Variants in CYB5R4 observed in about 807,000 individuals in gnomAD.
CYB5R4 encodes cytochrome b5 reductase 4.
CYB5R4 carries 55 observed loss-of-function variants against 70.2 expected under a neutral mutation model. That is an observed-to-expected ratio of 0.78 (90% CI 0.63 to 0.98). CYB5R4 has a LOEUF of 0.98. Among genes scored for constraint, CYB5R4 ranks in the 50% least tolerant of loss-of-function variants. The pLI, the probability that CYB5R4 is intolerant of heterozygous loss-of-function variation, is 0.00. For synonymous variants in CYB5R4, 197 were observed against 199.5 expected, an observed-to-expected ratio of 0.99 and a Z score of 0.11; for missense variants, 562 against 612.6, an observed-to-expected ratio of 0.92 and a Z score of 0.87.
intron 3 of CYB5R4, among the ~76,000 whole-genome samples, chr6:83,904,274 C>G (rs1025136808): frequency 6.6e-6 from 1 of 152,002 alleles, no homozygotes; most frequent in Non-Finnish European, 1.5e-5. Context: ...TTTTTTATTT[C>G]CATTTTAATT....
chr6:83,873,235 CTTTTTTTTTTTTTT>C (rs927399068), intron 2 of CYB5R4, among the ~76,000 whole-genome samples: 1 of 99,810 alleles, frequency 1.0e-5, no homozygotes, highest in African/African-American at 4.3e-5. Flanking sequence ...GGGTATCCTT[CTTTTTTTTTTTTTT>C]TTTTTTTTTT....
At chr6:83,864,721 A>C (rs1049021988) in intron 2 of CYB5R4, among the ~76,000 whole-genome samples, 1 of 152,226 alleles carries the variant, frequency 6.6e-6, no homozygotes, top group African/African-American at 2.4e-5. Flanking sequence ...ATCTAAAGTA[A>C]ACCTGAAAGT....
rs562426243 is a variant in CYB5R4 at position 83,957,955 on chromosome 6, G to T, written c.1512-1869G>T. On this transcript the variant is annotated intron_variant, in intron 15 of 15. Coordinates refer to ENST00000369681, the MANE Select transcript of CYB5R4 (RefSeq NM_016230.4). Reference sequence around the variant, plus strand: ...TTTTTCTTGATTAGCAATTATATGGGTTTCTTATTATAGTTTTTGCTGTTC... The same window carrying T: ...TTTTTCTTGATTAGCAATTATATGGTTTTCTTATTATAGTTTTTGCTGTTC... Among the ~76,000 whole-genome samples the T allele has an allele frequency of 2.5e-3, 386 of 152,090 alleles. 2 individuals are homozygous for T. Among genetic ancestry groups the T allele is most frequent in the African/African-American group, 9.0e-3 (374 of 41,472 alleles).
intron 15 of CYB5R4, among the ~76,000 whole-genome samples, chr6:83,957,033 A>G (rs1279584352): frequency 6.6e-6 from 1 of 151,790 alleles, no homozygotes; most frequent in African/African-American, 2.4e-5. Flanking sequence ...TTTTCTTGTC[A>G]TATTTAAAAT....
At chr6:83,936,866 A>G (rs906956546) in intron 12 of CYB5R4, among the ~76,000 whole-genome samples, 1 of 152,244 alleles carries the variant, frequency 6.6e-6, no homozygotes, top group African/African-American at 2.4e-5. Flanking sequence ...ATACAAAAAT[A>G]CTTGTGCTAC....
At chr6:83,864,132 A>G (rs752003697) in intron 1 of CYB5R4, 43 bp from the exon 2 acceptor site, 11 of 1,485,464 alleles carry the variant, frequency 7.4e-6, no homozygotes, top group Non-Finnish European at 9.9e-6. Context: ...ATGGAATTAA[A>G]AGTAATGAAG....
chr6:83,879,651 C>T (rs2099459147), intron 2 of CYB5R4, among the ~76,000 whole-genome samples: 1 of 152,092 alleles, frequency 6.6e-6, no homozygotes, highest in South Asian at 2.1e-4. Context: ...CTTGCACTAC[C>T]CTCTAATCTT....
At chr6:83,955,538 C>A in intron 15 of CYB5R4, 76 bp downstream of exon 15, 2 of 1,362,960 alleles carry the variant, frequency 1.5e-6, no homozygotes, top group Non-Finnish European at 1.0e-6. Context: ...TCTCTCAGTT[C>A]TTCCTGTTTA....
chr6:83,957,237 A>T (rs879723887), intron 15 of CYB5R4, among the ~76,000 whole-genome samples: 39 of 152,256 alleles, frequency 2.6e-4, no homozygotes, highest in Middle Eastern at 3.4e-3. Context: ...TTATGAAAAA[A>T]GGCTAAGAGC....
At chr6:83,933,038 T>C (rs1315178004) in intron 10 of CYB5R4, among the ~76,000 whole-genome samples, 1 of 152,220 alleles carries the variant, frequency 6.6e-6, no homozygotes, top group Non-Finnish European at 1.5e-5. Context: ...ATATATAGTA[T>C]GTGGGTCTCT....
chr6:83,901,239 A>T (rs2099462895), intron 3 of CYB5R4, among the ~76,000 whole-genome samples: 1 of 152,194 alleles, frequency 6.6e-6, no homozygotes, highest in Admixed American at 6.5e-5. Context: ...GTTTGGCTGG[A>T]TATGAAATTG....
intron 7 of CYB5R4, 136 bp downstream of exon 7, chr6:83,919,590 T>G: frequency 4.8e-6 from 2 of 420,660 alleles, no homozygotes; most frequent in Non-Finnish European, 8.6e-6. Flanking sequence ...GTTATCCCTT[T>G]TGTACAGAAG....
intron 4 of CYB5R4, among the ~76,000 whole-genome samples, chr6:83,909,885 A>T (rs973705927): frequency 3.9e-5 from 6 of 152,218 alleles, no homozygotes; most frequent in African/African-American, 1.4e-4. Flanking sequence ...GCTGCTAAAT[A>T]TCCTGCGTTG....
At chr6:83,930,271 G>C (rs985266560) in intron 10 of CYB5R4, among the ~76,000 whole-genome samples, 12 of 152,034 alleles carry the variant, frequency 7.9e-5, no homozygotes, top group African/African-American at 2.9e-4. Flanking sequence ...TGCCCACATC[G>C]ATTGACCCTT....
At chr6:83,868,305 A>G (rs1400098315) in intron 2 of CYB5R4, among the ~76,000 whole-genome samples, 1 of 152,172 alleles carries the variant, frequency 6.6e-6, no homozygotes, top group East Asian at 1.9e-4. Flanking sequence ...TAGAAAATAT[A>G]CAATTTGGTA....
At chr6:83,949,757 A>G (rs975250808) in intron 14 of CYB5R4, among the ~76,000 whole-genome samples, 1 of 152,182 alleles carries the variant, frequency 6.6e-6, no homozygotes, top group Non-Finnish European at 1.5e-5. Flanking sequence ...GAATTCTTCA[A>G]AATAAAATTG....
At chr6:83,875,232 A>G (rs2099458344) in intron 2 of CYB5R4, among the ~76,000 whole-genome samples, 1 of 152,180 alleles carries the variant, frequency 6.6e-6, no homozygotes, top group Non-Finnish European at 1.5e-5. Flanking sequence ...TCTTTGAGGC[A>G]TGTGTAGATT....
intron 14 of CYB5R4, among the ~76,000 whole-genome samples, chr6:83,948,408 C>T (rs2099470983): frequency 6.6e-6 from 1 of 152,240 alleles, no homozygotes; most frequent in East Asian, 1.9e-4. Flanking sequence ...AGGAGAAATA[C>T]CTAATGTAGA....
At chr6:83,865,397 C>G (rs956372420) in intron 2 of CYB5R4, among the ~76,000 whole-genome samples, 1 of 152,166 alleles carries the variant, frequency 6.6e-6, no homozygotes, top group Non-Finnish European at 1.5e-5. Flanking sequence ...GGCTAGAAGT[C>G]TGTGATTAGG....
Sources: allele counts gnomAD v4.1 joint callset (sites outside exome capture counted in the v4.1 genomes callset), GRCh38; gene constraint gnomAD v4.1.1; transcripts MANE v1.5; gene names NCBI Gene and HGNC (gene_info 2026-07-23, HGNC 2026-07-21).